Variants in RNF135 observed in about 807,000 individuals in gnomAD.
The protein encoded by RNF135 is E3 ubiquitin-protein ligase RNF135.
Under a neutral mutation model 41.9 loss-of-function variants are expected in RNF135, and 46 were observed. The ratio of observed to expected loss-of-function variants is 1.10; its 90% CI spans 0.87 to 1.40. The LOEUF (loss-of-function observed/expected upper bound fraction) is 1.40, where lower values mean the gene tolerates loss of function less well. RNF135 is among the 40% of genes most tolerant of loss of function. The probability of loss-of-function intolerance (pLI) is 0.00; values close to 1 mark genes in which losing one functional copy is unlikely to be tolerated. For synonymous variants in RNF135, 238 were observed against 223.8 expected, an observed-to-expected ratio of 1.06 and a Z score of -0.57; for missense variants, 539 against 549.8, an observed-to-expected ratio of 0.98 and a Z score of 0.20.
rs749668000 is a variant in RNF135, at chr17:30,984,736, C to A, written c.492C>A (p.Asp164Glu). ...NQRPLSESGPDNELSILGKAF... is the reference protein window; with the variant it reads ...NQRPLSESGPENELSILGKAF... ...GGCCCCTATCAGAATCTGGACCAGA[C>A]AACGAACTGAGCATCCTGGGCAAGG... The change falls in exon 2 of 5, where the codon GAC becomes GAA. Residue 164 changes from aspartate to glutamate, a missense_variant. By Grantham distance (45) the Asp-to-Glu change is conservative. Transcript: ENST00000328381. 6.2e-7 allele frequency: 1 copy of A among 1,614,106 alleles called. No homozygotes were observed. The highest frequency in any genetic ancestry group is 1.1e-5 in the South Asian group (1 of 91,078).
upstream of RNF135, among the ~76,000 whole-genome samples, chr17:30,966,282 G>A (rs1452209064): frequency 2.0e-5 from 3 of 152,010 alleles, no homozygotes; most frequent in Admixed American, 6.5e-5. Context: ...AGTCAGCCAC[G>A]TTACAATAAC....
At chr17:30,969,759 CTTTTTTTTTTT>C (rs757330088), upstream of RNF135, among the ~76,000 whole-genome samples, 1 of 122,616 alleles carries the variant, frequency 8.2e-6, no homozygotes. Context: ...TCTTTTTTTT[CTTTTTTTTTTT>C]TTTTTTTTTT....
intron 1 of RNF135, among the ~76,000 whole-genome samples, chr17:30,977,888 A>G (rs1477261106): frequency 6.6e-6 from 1 of 152,226 alleles, no homozygotes; most frequent in Non-Finnish European, 1.5e-5. Context: ...TTTTGATTGA[A>G]GTATTCCCTT....
rs987701564 is a variant in RNF135 at position 30,997,843 on chromosome 17, C to T, written c.769+512C>T. 5.3e-5 allele frequency among the ~76,000 whole-genome samples: 8 copies of T among 152,154 alleles called. No individual in the cohort carries two copies. In the South Asian group the frequency reaches 1.2e-3, roughly 24 times the overall value. On this transcript the variant is annotated intron_variant, in intron 4 of 4. Coordinates refer to ENST00000328381, the MANE Select transcript of RNF135 (RefSeq NM_032322.4). ...TGGAGATAATATAGTACTTCTCTTG[C>T]GGGATTGCCATGAGGGTTAAGTGAG... is the stretch of plus-strand genomic sequence containing the variant.
chr17:30,997,953 C>A (rs1057002789), intron 4 of RNF135, among the ~76,000 whole-genome samples: 2 of 152,182 alleles, frequency 1.3e-5, no homozygotes, highest in African/African-American at 4.8e-5. Context: ...ATGAAATATA[C>A]AAAGTGAGTA....
intron 2 of RNF135, among the ~76,000 whole-genome samples, chr17:30,986,837 T>C (rs1214984002): frequency 6.6e-6 from 1 of 152,246 alleles, no homozygotes; most frequent in African/African-American, 2.4e-5. Flanking sequence ...TGTGGGATGT[T>C]ATAATTAACT....
chr17:30,975,576 T>C, intron 1 of RNF135: 1 of 813,110 alleles, frequency 1.2e-6, no homozygotes, highest in South Asian at 1.3e-5. Context: ...CAGGTCTGGT[T>C]CAAGAACCAC....
chr17:30,997,158 A>G (rs1908403654), intron 3 of RNF135, 84 bp from the exon 4 acceptor site: 2 of 1,037,714 alleles, frequency 1.9e-6, no homozygotes, highest in East Asian at 2.4e-5. Context: ...CAAGCCAGCC[A>G]TGTGCCTTGA....
At position 30,977,510 on chromosome 17, in the gene RNF135, A is replaced by G. The variant is rs144133263; in HGVS notation, c.372+6065A>G. ...TGTCTCAGCCTCCCGAGTAGCTGGG[A>G]CTACAGGCATGCGCCACCATGCCCA... is the stretch of plus-strand genomic sequence containing the variant. On this transcript the variant is annotated intron_variant, in intron 1 of 4. Coordinates refer to ENST00000328381, the MANE Select transcript of RNF135 (RefSeq NM_032322.4). Among the ~76,000 whole-genome samples the G allele has an allele frequency of 4.2e-3, 646 of 152,222 alleles. 5 individuals carry two copies. Among genetic ancestry groups the G allele is most frequent in the Middle Eastern group, 0.014 (4 of 294 alleles).
intron 3 of RNF135, among the ~76,000 whole-genome samples, chr17:30,992,906 T>C (rs1908083594): frequency 6.6e-6 from 1 of 151,992 alleles, no homozygotes; most frequent in African/African-American, 2.4e-5. Flanking sequence ...TAGAAAGGAA[T>C]TTTCTCAGGT....
the RNF135 span, among the ~76,000 whole-genome samples, chr17:30,960,734 A>T: frequency 7.6e-6 from 1 of 132,110 alleles, no homozygotes; most frequent in South Asian, 2.2e-4. Context: ...TATTTTATTT[A>T]TTTTATTTTA....
At chr17:30,969,765 T>C (rs539279583), upstream of RNF135, among the ~76,000 whole-genome samples, 190 of 138,820 alleles carry the variant, frequency 1.4e-3, 1 homozygote, top group South Asian at 5.4e-3. Flanking sequence ...TTTTCTTTTT[T>C]TTTTTTTTTT....
chr17:30,986,319 G>C (rs1400681439), intron 2 of RNF135, among the ~76,000 whole-genome samples: 1 of 151,400 alleles, frequency 6.6e-6, no homozygotes, highest in Non-Finnish European at 1.5e-5. Context: ...GCCTCAGCCT[G>C]CCGAGTAGCT....
At chr17:30,976,535 A>G (rs944684413) in intron 1 of RNF135, among the ~76,000 whole-genome samples, 10 of 152,212 alleles carry the variant, frequency 6.6e-5, no homozygotes, top group South Asian at 2.1e-4. Flanking sequence ...AATTTGTTCA[A>G]TGCCAAAAGT....
chr17:30,971,305 C>T lies in RNF135; in HGVS notation c.232C>T (p.Leu78=), dbSNP rs1475624087. ...QQPHLRKNTL[L]QDLADKYRRA... ...GCCGCACCTGCGGAAGAACACGCTA[C>T]TGCAGGACCTGGCCGACAAGTACCG... is the stretch of plus-strand genomic sequence containing the variant. The change falls in exon 1 of 5, where the codon CTG becomes TTG. Residue 78 remains leucine (L), a synonymous_variant. Transcript: ENST00000328381. The T allele has an allele frequency of 2.0e-6, 3 of 1,533,640 alleles. No homozygotes were observed. Among genetic ancestry groups the T allele is most frequent in the South Asian group, 1.2e-5 (1 of 83,190 alleles).
intron 3 of RNF135, among the ~76,000 whole-genome samples, chr17:30,990,030 A>T (rs996003877): frequency 2.0e-5 from 3 of 151,716 alleles, no homozygotes; most frequent in Middle Eastern, 3.4e-3. Context: ...GTAAGTGGAG[A>T]AGCATGATTC....
chr17:30,974,765 C>T (rs528565314), intron 1 of RNF135, among the ~76,000 whole-genome samples: 134 of 152,002 alleles, frequency 8.8e-4, no homozygotes, highest in Non-Finnish European at 1.7e-3. Flanking sequence ...CTGCAACCTC[C>T]ATCTCCCGGG....
At chr17:30,979,653 G>A (rs1418595267) in intron 1 of RNF135, among the ~76,000 whole-genome samples, 2 of 139,208 alleles carry the variant, frequency 1.4e-5, no homozygotes, top group Admixed American at 1.4e-4. Flanking sequence ...GGCTGGCCAG[G>A]CGGGGGGCTG....
In RNF135 at chr17:30,971,239, C is replaced by T. The variant is rs1905889928; in HGVS notation, c.166C>T (p.Arg56Cys). The T allele has an allele frequency of 6.6e-7, 1 of 1,518,260 alleles. No individual in the cohort carries two copies. Among genetic ancestry groups the T allele is most frequent in the Non-Finnish European group, 8.8e-7 (1 of 1,138,870 alleles). 94.0% of individuals were successfully genotyped at this position (1,518,260 alleles called of 1,614,324 possible). A position where few individuals can be genotyped will look rare whatever the true frequency, so the allele number is the denominator to read the frequency against. Residue 56 changes from arginine (R) to cysteine (C), a missense_variant, in exon 1 of 5, where the codon CGC (arginine) becomes TGC (cysteine). Around this residue, in one of 2 missense-constraint regions of RNF135, gnomAD observed 277 missense variants for 212.8 expected, o/e 1.30. Transcript: ENST00000328381. ...EALWGARDAR[R>C]WACPTCRQGA... is the part of the protein sequence containing the mutation. ...CCTGTGGGGCGCCCGCGACGCCCGCCGCTGGGCCTGCCCCACTTGCCGCCA... is the reference window on the plus strand; with the variant it reads ...CCTGTGGGGCGCCCGCGACGCCCGCTGCTGGGCCTGCCCCACTTGCCGCCA...
Sources: gnomAD v4.1 joint callset for allele counts (sites outside exome capture counted in the v4.1 genomes callset) on GRCh38, gnomAD v4.1.1 for gene constraint, gnomAD v4.1.1 regional missense constraint, MANE v1.5 for transcripts, NCBI Gene and HGNC (gene_info 2026-07-23, HGNC 2026-07-21) for gene names.